ZNG1B: variants seen among roughly 807,000 people sequenced by gnomAD.
ZNG1B encodes zinc-regulated GTPase metalloprotein activator 1B.
At chr2:113,443,314 T>C in the ZNG1B span, among the ~76,000 whole-genome samples, 1 of 151,848 alleles carries the variant, frequency 6.6e-6, no homozygotes, top group South Asian at 2.1e-4. Flanking sequence ...ATTGGGAATA[T>C]TCAGCAGTTT....
At chr2:113,461,221 ATT>A in the ZNG1B span, among the ~76,000 whole-genome samples, 1 of 149,308 alleles carries the variant, frequency 6.7e-6, no homozygotes, top group East Asian at 1.9e-4. Flanking sequence ...TAATTTTTGC[ATT>A]TTTTTTTAAA....
At chr2:113,472,895 A>G in the ZNG1B span, among the ~76,000 whole-genome samples, 16 of 151,362 alleles carry the variant, frequency 1.1e-4, no homozygotes, top group African/African-American at 3.7e-4. Flanking sequence ...GTAGCCTTGT[A>G]GTATAGTTTG....
the ZNG1B span, among the ~76,000 whole-genome samples, chr2:113,489,067 G>C: frequency 6.6e-6 from 1 of 151,674 alleles, no homozygotes; most frequent in African/African-American, 2.4e-5. Context: ...ATTGTCGTCA[G>C]GTTATCTAAA....
chr2:113,449,036 T>C, the ZNG1B span, among the ~76,000 whole-genome samples: 22 of 152,332 alleles, frequency 1.4e-4, 1 homozygote, highest in South Asian at 4.4e-3. Flanking sequence ...CCTTGCACTT[T>C]TGTGTTATGG....
the ZNG1B span, among the ~76,000 whole-genome samples, chr2:113,485,564 G>A: frequency 4.1e-5 from 6 of 147,246 alleles, no homozygotes; most frequent in African/African-American, 7.7e-5. Context: ...GATGGGAAAC[G>A]AGCCTAGATT....
chr2:113,459,807 A>C, the ZNG1B span, among the ~76,000 whole-genome samples: 1 of 145,812 alleles, frequency 6.9e-6, no homozygotes, highest in South Asian at 2.2e-4. Flanking sequence ...GGGAACCTCT[A>C]TTGAGGTTTG....
At chr2:113,463,646 C>T in the ZNG1B span, among the ~76,000 whole-genome samples, 1 of 152,030 alleles carries the variant, frequency 6.6e-6, no homozygotes, top group African/African-American at 2.4e-5. Context: ...GGTTCTAATC[C>T]TTGGTCTGTT....
At chr2:113,476,551 A>T in the ZNG1B span, among the ~76,000 whole-genome samples, 1 of 147,374 alleles carries the variant, frequency 6.8e-6, no homozygotes, top group Non-Finnish European at 1.5e-5. Flanking sequence ...GTTCCTTCGG[A>T]GGAGGAGAGG....
the ZNG1B span, among the ~76,000 whole-genome samples, chr2:113,441,118 CTG>C: frequency 3.3e-5 from 5 of 152,120 alleles, no homozygotes; most frequent in Non-Finnish European, 7.4e-5. Flanking sequence ...GTTGAAGAAA[CTG>C]TTTCAACTTG....
At chr2:113,445,394 G>C in the ZNG1B span, 1 of 236,152 alleles carries the variant, frequency 4.2e-6, no homozygotes, top group South Asian at 6.4e-5. Flanking sequence ...GCATCCATGG[G>C]GTATTAGTTC....
chr2:113,495,863 G>A, the ZNG1B span: 1 of 686,326 alleles, frequency 1.5e-6, no homozygotes. Context: ...AATGGTATTT[G>A]TTTTACAGCA....
chr2:113,459,542 T>TA, the ZNG1B span, among the ~76,000 whole-genome samples: 1 of 148,936 alleles, frequency 6.7e-6, no homozygotes, highest in Admixed American at 6.7e-5. Context: ...TGTGTTCAAT[T>TA]AAAAAAAAAA....
the ZNG1B span, among the ~76,000 whole-genome samples, chr2:113,453,720 A>G: frequency 1.5e-4 from 22 of 146,974 alleles, no homozygotes; most frequent in Non-Finnish European, 2.8e-4. Flanking sequence ...ATGTCACTCA[A>G]CTTCCAATTT....
At chr2:113,456,036 A>G in the ZNG1B span, among the ~76,000 whole-genome samples, 11 of 151,808 alleles carry the variant, frequency 7.2e-5, no homozygotes, top group Non-Finnish European at 1.5e-4. Context: ...TTAATGTTTA[A>G]GTTTGCTTTT....
At chr2:113,464,101 A>G in the ZNG1B span, among the ~76,000 whole-genome samples, 3 of 131,012 alleles carry the variant, frequency 2.3e-5, no homozygotes, top group Non-Finnish European at 4.8e-5. Context: ...GACACTGACA[A>G]TATTGACTAT....
the ZNG1B span, among the ~76,000 whole-genome samples, chr2:113,464,244 AAAG>A: frequency 8.8e-6 from 1 of 113,576 alleles, no homozygotes. Context: ...GGAGGTGAAA[AAAG>A]GTAAACATGT....
At chr2:113,450,533 T>C in the ZNG1B span, among the ~76,000 whole-genome samples, 1 of 145,354 alleles carries the variant, frequency 6.9e-6, no homozygotes, top group African/African-American at 2.6e-5. Flanking sequence ...AGCTTGTTTA[T>C]TATAAGGTTG....
At chr2:113,481,259 CT>C in the ZNG1B span, among the ~76,000 whole-genome samples, 1 of 145,632 alleles carries the variant, frequency 6.9e-6, no homozygotes, top group African/African-American at 2.6e-5. Context: ...CTTGAAGTAG[CT>C]ATTTAATGTG....
At chr2:113,483,903 T>C in the ZNG1B span, among the ~76,000 whole-genome samples, 41 of 152,206 alleles carry the variant, frequency 2.7e-4, no homozygotes, top group African/African-American at 9.7e-4. Flanking sequence ...GTAGCCTCTG[T>C]AGGAGATTCT....
Sources: allele counts gnomAD v4.1 joint callset (sites outside exome capture counted in the v4.1 genomes callset), GRCh38; gene constraint gnomAD v4.1.1; transcripts MANE v1.5; gene names NCBI Gene and HGNC (gene_info 2026-07-23, HGNC 2026-07-21).